The following FOCAD variants were observed in gnomAD, a reference collection of about 807,000 sequenced individuals.
FOCAD encodes focadhesin, also known as KIAA1797.
FOCAD carries 198 observed loss-of-function variants against 225.6 expected under a neutral mutation model. The observed-to-expected ratio is 0.88, with a 90% CI of 0.78 to 0.99. The LOEUF is 0.99. FOCAD is among the 50% of genes least tolerant of loss of function. The pLI, the probability that FOCAD is intolerant of heterozygous loss-of-function variation, is 0.00. For synonymous variants in FOCAD, 897 were observed against 755.0 expected (o/e 1.19, Z -3.08); for missense variants, 2,713 against 2,123.6 (o/e 1.28, Z -5.46).
At chr9:20,791,142 G>A (rs542037862) in intron 11 of FOCAD, among the ~76,000 whole-genome samples, 71 of 152,034 alleles carry the variant, frequency 4.7e-4, no homozygotes, top group South Asian at 1.5e-3. Flanking sequence ...GGATTCCCTT[G>A]AAGTTATACA....
At chr9:20,975,314 C>T (rs1011332356) in intron 35 of FOCAD, among the ~76,000 whole-genome samples, 1 of 152,170 alleles carries the variant, frequency 6.6e-6, no homozygotes, top group Non-Finnish European at 1.5e-5. Flanking sequence ...ACCCTATACA[C>T]ACTTCCTTTA....
chr9:20,994,942 A>G (rs1233910821), intron 43 of FOCAD, among the ~76,000 whole-genome samples: 1 of 149,982 alleles, frequency 6.7e-6, no homozygotes, highest in Non-Finnish European at 1.5e-5. Flanking sequence ...TATTTCAAAT[A>G]AAATATCAAT....
intron 39 of FOCAD, among the ~76,000 whole-genome samples, chr9:20,985,132 C>G (rs964080956): frequency 1.3e-5 from 2 of 152,176 alleles, no homozygotes; most frequent in African/African-American, 2.4e-5. Context: ...AGGTTAGTTG[C>G]ACTGTAGAAT....
At chr9:20,900,138 A>G (rs1198222692) in intron 21 of FOCAD, among the ~76,000 whole-genome samples, 1 of 151,884 alleles carries the variant, frequency 6.6e-6, no homozygotes, top group East Asian at 1.9e-4. Flanking sequence ...CAGTCTTGTT[A>G]TCCTTGGCAT....
intron 19 of FOCAD, 178 bp downstream of exon 19, chr9:20,874,985 T>A (rs1403606688): frequency 1.2e-5 from 9 of 750,378 alleles, no homozygotes; most frequent in African/African-American, 5.4e-5. Flanking sequence ...GGTGTTTAAA[T>A]CATACGAAAA....
In FOCAD at chr9:20,770,025, T is replaced by A; in HGVS notation, c.700-7T>A. On this transcript the variant is annotated splice_region_variant and splice_polypyrimidine_tract_variant and intron_variant, in intron 7 of 43. Coordinates refer to ENST00000338382, the MANE Select transcript of FOCAD (RefSeq NM_001375567.1). ...TTTTAATATCATATAATGACTTTTTTAAACAGGTAAAAGATTTGATACAGA... is the reference window on the plus strand; with the variant it reads ...TTTTAATATCATATAATGACTTTTTAAAACAGGTAAAAGATTTGATACAGA... 1 of 1,611,530 alleles carries A rather than the reference T, an allele frequency of 6.2e-7. No individual in the cohort carries two copies. Among genetic ancestry groups the A allele is most frequent in the Non-Finnish European group, 8.5e-7 (1 of 1,178,252 alleles).
intron 10 of FOCAD, among the ~76,000 whole-genome samples, chr9:20,783,459 G>T (rs1271424295): frequency 6.6e-6 from 1 of 151,718 alleles, no homozygotes; most frequent in Non-Finnish European, 1.5e-5. Context: ...AACTCTTCAA[G>T]TCTCTTCCTG....
intron 1 of FOCAD, among the ~76,000 whole-genome samples, chr9:20,708,933 A>G (rs1824611349): frequency 6.6e-6 from 1 of 152,116 alleles, no homozygotes; most frequent in African/African-American, 2.4e-5. Flanking sequence ...TACCTTGTAT[A>G]TCAGTTATTG....
At position 20,948,319 on chromosome 9, in the gene FOCAD, G is replaced by A. The variant is rs758945973; in HGVS notation, c.3724G>A (p.Val1242Met). The A allele has an allele frequency of 6.2e-7, 1 of 1,612,228 alleles. No homozygotes were observed. ...AGGAAACATAGTTCATGGATTGTCT[G>A]TGTGTGGACATGGAAAAGCTGAAGA... Reference protein sequence around the residue: ...ALGNIVHGLSVCGHGKAEDLG... With the variant: ...ALGNIVHGLSMCGHGKAEDLG... The change falls in exon 31 of 44, where the codon GTG becomes ATG. Residue 1242 changes from valine to methionine, a missense_variant. Val to Met is a conservative substitution (Grantham distance 21, BLOSUM62 1). Coordinates refer to ENST00000338382, the MANE Select transcript of FOCAD (RefSeq NM_001375567.1).
chr9:20,700,007 A>G (rs1823810591), intron 1 of FOCAD, among the ~76,000 whole-genome samples: 1 of 151,502 alleles, frequency 6.6e-6, no homozygotes, highest in Non-Finnish European at 1.5e-5. Flanking sequence ...CCACGCTAAT[A>G]TGAAATGATT....
Position 20,978,307 on chromosome 9 carries a change from A to G in FOCAD, c.4262-32A>G, listed in dbSNP as rs10811445. The G allele has an allele frequency of 0.38, 535,525 of 1,416,220 alleles. 104,030 individuals are homozygous for G. Among genetic ancestry groups the G allele is most frequent in the East Asian group, 0.4 (16,796 of 41,534 alleles). The allele number at this position is 1,416,220 out of a possible 1,614,324, so 87.7% of individuals were successfully genotyped here. The stretch of plus-strand genomic sequence containing the variant: ...GAAAATGAGTCAGGAAAGTAACTAT[A>G]TATTCAATTCTTTTCCTTTCTTGAC... On this transcript the variant is annotated intron_variant, in intron 36 of 43. Transcript: ENST00000338382.
At chr9:20,908,890 C>G (rs1295570968) in intron 22 of FOCAD, among the ~76,000 whole-genome samples, 1 of 151,958 alleles carries the variant, frequency 6.6e-6, no homozygotes, top group Non-Finnish European at 1.5e-5. Context: ...GTGTGGGATA[C>G]TGAGGGCACT....
chr9:20,752,812 G>C (rs889791469), intron 5 of FOCAD, among the ~76,000 whole-genome samples: 8 of 151,964 alleles, frequency 5.3e-5, no homozygotes, highest in African/African-American at 1.9e-4. Context: ...TCTTCCATTT[G>C]TTTGTATCCT....
intron 21 of FOCAD, among the ~76,000 whole-genome samples, chr9:20,897,573 A>T (rs1033320458): frequency 7.9e-5 from 12 of 151,692 alleles, no homozygotes; most frequent in Non-Finnish European, 1.0e-4. Flanking sequence ...CACAGTATGC[A>T]ATATATATTT....
At chr9:20,777,853 A>T (rs1299501433) in intron 8 of FOCAD, among the ~76,000 whole-genome samples, 2 of 152,130 alleles carry the variant, frequency 1.3e-5, no homozygotes, top group Non-Finnish European at 2.9e-5. Context: ...CTGTAATCCC[A>T]GCACTTTGGG....
At chr9:20,867,822 G>A (rs911400966) in intron 18 of FOCAD, among the ~76,000 whole-genome samples, 1 of 152,052 alleles carries the variant, frequency 6.6e-6, no homozygotes, top group Non-Finnish European at 1.5e-5. Context: ...AAGGTTTGGT[G>A]TGAATTCCTT....
chr9:20,792,627 T>A (rs1426562117), intron 11 of FOCAD, among the ~76,000 whole-genome samples: 1 of 152,230 alleles, frequency 6.6e-6, no homozygotes, highest in Non-Finnish European at 1.5e-5. Flanking sequence ...AGGTATTTTA[T>A]TTTCTTTTTA....
At chr9:20,936,892 A>G (rs1210739390) in intron 28 of FOCAD, among the ~76,000 whole-genome samples, 1 of 152,242 alleles carries the variant, frequency 6.6e-6, no homozygotes, top group East Asian at 1.9e-4. Context: ...TCAGAATACA[A>G]AATCAATGTG....
intron 23 of FOCAD, among the ~76,000 whole-genome samples, 187 bp downstream of exon 23, chr9:20,913,141 TACATACACACACACAC>T (rs1243383765): frequency 3.0e-5 from 3 of 100,496 alleles, no homozygotes; most frequent in African/African-American, 1.2e-4. Context: ...TTATAAATTA[TACATACACACACACAC>T]ACACACACAC....
Sources: allele counts gnomAD v4.1 joint callset (sites outside exome capture counted in the v4.1 genomes callset), GRCh38; gene constraint gnomAD v4.1.1; transcripts MANE v1.5; gene names NCBI Gene and HGNC (gene_info 2026-07-23, HGNC 2026-07-21).